PLOD1: variants seen among roughly 807,000 people sequenced by gnomAD.
The protein encoded by PLOD1 is lysine hydroxylase.
In PLOD1, 70 loss-of-function variants were observed where a neutral mutation model predicts 94.7. The observed-to-expected ratio is 0.74, with a 90% CI of 0.61 to 0.90. PLOD1 has a LOEUF of 0.90. PLOD1 is among the 40% of genes least tolerant of loss of function. The pLI, the probability that PLOD1 is intolerant of heterozygous loss-of-function variation, is 0.00. For synonymous variants in PLOD1, 417 were observed against 400.2 expected (o/e 1.04, Z -0.50); for missense variants, 905 against 972.7 (o/e 0.93, Z 0.93).
intron 4 of PLOD1, among the ~76,000 whole-genome samples, chr1:11,951,636 A>G (rs1046127381): frequency 6.8e-5 from 10 of 146,904 alleles, no homozygotes; most frequent in African/African-American, 2.5e-4. Flanking sequence ...TAATATATAT[A>G]ATATATATAT....
chr1:11,949,268 G>A (rs536949242), intron 2 of PLOD1, among the ~76,000 whole-genome samples: 58 of 152,222 alleles, frequency 3.8e-4, no homozygotes, highest in African/African-American at 1.2e-3. Context: ...TCAAATCTCC[G>A]GATGTGGGAG....
Position 11,958,449 on chromosome 1 carries a change from C to A in PLOD1, c.844-67C>A. The A allele has an allele frequency of 1.9e-6, 3 of 1,580,586 alleles. No homozygotes were observed. Among genetic ancestry groups the A allele is most frequent in the Non-Finnish European group, 2.6e-6 (3 of 1,156,668 alleles). The stretch of plus-strand genomic sequence containing the variant: ...TCTGGCTCTGACTCCCTTGGGCCAC[C>A]CTGGGGTGGAGTGGCAGTGCTGTGA... On this transcript the variant is annotated intron_variant, in intron 8 of 18. Transcript: ENST00000196061. The surrounding 1 kb of genome is among the most constrained non-coding windows in gnomAD (Gnocchi z 4.3).
chr1:11,967,120 G>A (rs373827465), intron 16 of PLOD1, 29 bp downstream of exon 16: 9 of 1,414,606 alleles, frequency 6.4e-6, no homozygotes, highest in Middle Eastern at 1.7e-4. Context: ...GGCTGGGGCC[G>A]CAGGGAGGCT....
chr1:11,960,792 C>T (rs1355875630), intron 10 of PLOD1, 25 bp downstream of exon 10: 2 of 1,611,782 alleles, frequency 1.2e-6, no homozygotes, highest in Non-Finnish European at 1.7e-6. Context: ...ACAGTACTCT[C>T]CACTGACAGT....
chr1:11,968,095 A>G (rs1367556640), intron 16 of PLOD1, among the ~76,000 whole-genome samples: 2 of 151,766 alleles, frequency 1.3e-5, no homozygotes, highest in African/African-American at 4.8e-5. Flanking sequence ...CTGGGACTAC[A>G]GGCGTGTGCC....
rs143294623 is a variant in PLOD1, at chr1:11,964,253, C to T, written c.1281C>T (p.Tyr427=). Residue 427 remains tyrosine, a synonymous_variant, in exon 12 of 19, where the codon TAC becomes TAT. Transcript: ENST00000196061. ...NFWGALSADG[Y]YARSEDYVDI... is the part of the protein sequence containing the mutation. ...GGGGGGCTCTCAGTGCAGATGGCTA[C>T]TATGCCCGTTCCGAGGACTACGTGG... 3 of 1,513,910 alleles carry T rather than the reference C, an allele frequency of 2.0e-6. No homozygotes were observed. The highest frequency in any genetic ancestry group is 1.4e-5 in the African/African-American group (1 of 70,404). The allele number at this position is 1,513,910 out of a possible 1,614,324, so 93.8% of individuals were successfully genotyped here.
rs141301649 is a variant in PLOD1 at position 11,935,370 on chromosome 1, G to A, written c.76+515G>A. 8.2e-3 allele frequency among the ~76,000 whole-genome samples: 1,250 copies of A among 152,260 alleles called. 21 individuals carry two copies. The highest frequency in any genetic ancestry group is 0.028 in the African/African-American group (1,158 of 41,546). On this transcript the variant is annotated intron_variant, in intron 1 of 18. Coordinates refer to ENST00000196061, the MANE Select transcript of PLOD1 (RefSeq NM_000302.4). ...CATGGGAATGAGGGGTCTTGAGGGGGACAGGGGAGGAATGGGGGTAGAAGG... is the reference window on the plus strand; with the variant it reads ...CATGGGAATGAGGGGTCTTGAGGGGAACAGGGGAGGAATGGGGGTAGAAGG...
chr1:11,975,092 T>A lies in PLOD1; in HGVS notation c.*284T>A. The A allele has an allele frequency of 2.0e-6, 1 of 490,472 alleles. No homozygotes were observed. The allele number at this position is 490,472 out of a possible 1,614,324, so 30.4% of individuals were successfully genotyped here. On this transcript the variant is annotated 3_prime_UTR_variant, in exon 19 of 19. Transcript: ENST00000196061. ...ACTCGTGCTCTCCAACCTGTCTTCC[T>A]GAAAAACCAAGGCCCCCTTCCCCCA...
chr1:11,973,048 G>A (rs780792281), intron 18 of PLOD1, 51 bp downstream of exon 18: 4 of 1,610,160 alleles, frequency 2.5e-6, no homozygotes, highest in Non-Finnish European at 3.4e-6. Flanking sequence ...GATGAGGAGG[G>A]CTAGCTGAGG....
Position 11,963,751 on chromosome 1 carries a change from T to C in PLOD1, c.1202+115T>C. ...ATCCACCTCCTCTTCCTCCTCTTTT[T>C]CCTTCTCCTGCTCCTCTTTCTCCTC... On this transcript the variant is annotated intron_variant, in intron 11 of 18. Transcript: ENST00000196061. The surrounding 1 kb of genome is among the most constrained non-coding windows in gnomAD (Gnocchi z 4.3). 1.4e-6 allele frequency: 1 copy of C among 719,410 alleles called. No homozygotes were observed. The highest frequency in any genetic ancestry group is 2.5e-6 in the Non-Finnish European group (1 of 395,260). 44.6% of individuals were successfully genotyped at this position (719,410 alleles called of 1,614,324 possible).
At chr1:11,965,368 G>A (rs1027526481) in intron 13 of PLOD1, 112 bp from the exon 14 acceptor site, 1 of 707,148 alleles carries the variant, frequency 1.4e-6, no homozygotes, top group South Asian at 1.5e-5. Flanking sequence ...GGGAACTTCA[G>A]TTCGGCGGGT....
chr1:11,973,539 G>A (rs1174416164), intron 18 of PLOD1, among the ~76,000 whole-genome samples: 1 of 152,034 alleles, frequency 6.6e-6, no homozygotes, highest in Non-Finnish European at 1.5e-5. Context: ...TTAGCCCTGG[G>A]CTGGGTGCTG....
rs1645802969 is a variant in PLOD1, at chr1:11,964,684, A to G, written c.1369A>G (p.Ile457Val). Residue 457 changes from isoleucine to valine, a missense_variant, in exon 13 of 19, where the codon ATC becomes GTC. Coordinates refer to ENST00000196061, the MANE Select transcript of PLOD1 (RefSeq NM_000302.4). The stretch of plus-strand genomic sequence containing the variant: ...GCCCTATATTTCAAACATCTACTTG[A>G]TCAAGGGCAGTGCCCTGCGGGGTGA... ...NVPYISNIYL[I>V]KGSALRGELQ... The G allele has an allele frequency of 3.1e-6, 5 of 1,613,370 alleles. No individual in the cohort carries two copies. Among genetic ancestry groups the G allele is most frequent in the Non-Finnish European group, 4.2e-6 (5 of 1,179,972 alleles).
chr1:11,960,605 C>T (rs202051470), intron 9 of PLOD1, 41 bp from the exon 10 acceptor site: 103 of 1,400,628 alleles, frequency 7.4e-5, no homozygotes, highest in East Asian at 1.1e-4. Flanking sequence ...GCTGTGTCCT[C>T]CTCCTCACCC....
chr1:11,942,909 G>C (rs1378201568), intron 1 of PLOD1, among the ~76,000 whole-genome samples: 2 of 152,182 alleles, frequency 1.3e-5, no homozygotes, highest in Non-Finnish European at 2.9e-5. Context: ...GGACAATCAC[G>C]TGGGATCCTC....
Position 11,967,081 on chromosome 1 carries a change from GCAA to G in PLOD1, c.1752_1754del (p.Asn584del), listed in dbSNP as rs1553136588. On this transcript the variant is annotated inframe_deletion, in exon 16 of 19. Transcript: ENST00000196061. ...GAGCACTTTGGCCAGTGGTCTCTGG[GCAA>G]CAACAAGGTGGGACCCTGATGCCTG... The G allele has an allele frequency of 1.2e-6, 2 of 1,607,046 alleles. No individual in the cohort carries two copies. The highest frequency in any genetic ancestry group is 1.7e-6 in the Non-Finnish European group (2 of 1,173,550).
At chr1:11,967,219 G>C (rs987963494) in intron 16 of PLOD1, 128 bp downstream of exon 16, 1 of 688,116 alleles carries the variant, frequency 1.5e-6, no homozygotes. Flanking sequence ...AGGGGTGCTG[G>C]CATGGGTATC....
Position 11,957,279 on chromosome 1 carries a change from G to T in PLOD1, c.741+265G>T. On this transcript the variant is annotated intron_variant, in intron 7 of 18. Transcript: ENST00000196061. The surrounding 1 kb of genome is among the most constrained non-coding windows in gnomAD (Gnocchi z 4.1). ...TCCAGGCCTAGGCTGGGCTACCAGA[G>T]CCATCTGCACTGTCACCCCAGGGCA... 1.5e-6 allele frequency: 1 copy of T among 686,356 alleles called. No individual in the cohort carries two copies. The highest frequency in any genetic ancestry group is 2.7e-6 in the Non-Finnish European group (1 of 364,010). The allele number at this position is 686,356 out of a possible 1,614,324, so 42.5% of individuals were successfully genotyped here. A position where few individuals can be genotyped will look rare whatever the true frequency, so the allele number is the denominator to read the frequency against.
At chr1:11,959,064 G>T (rs1645759682) in intron 9 of PLOD1, among the ~76,000 whole-genome samples, 2 of 152,078 alleles carry the variant, frequency 1.3e-5, no homozygotes. Context: ...ATTAAGCTGG[G>T]TGTGGTGGCA....
Sources: allele counts gnomAD v4.1 joint callset (sites outside exome capture counted in the v4.1 genomes callset), GRCh38; gene constraint gnomAD v4.1.1; non-coding constraint Gnocchi (gnomAD v3.1); transcripts MANE v1.5; gene names NCBI Gene and HGNC (gene_info 2026-07-23, HGNC 2026-07-21).